Variants in ACOT11 observed in about 807,000 individuals in gnomAD.
ACOT11 encodes acyl-CoA thioesterase 11, also known as acyl-coenzyme A thioesterase 11.
A neutral mutation model predicts 77.5 loss-of-function variants in ACOT11; 69 were observed. The ratio of observed to expected loss-of-function variants is 0.89; its 90% CI spans 0.73 to 1.09. The LOEUF (loss-of-function observed/expected upper bound fraction) is 1.09. Among genes scored for constraint, ACOT11 ranks in the 50% least tolerant of loss-of-function variants. The pLI is 0.00. For synonymous variants in ACOT11, 279 were observed against 313.0 expected (o/e 0.89, Z 1.15); for missense variants, 766 against 813.7 (o/e 0.94, Z 0.71).
downstream of ACOT11, chr1:54,610,351 CCAAG>C (rs1464230933): frequency 6.3e-7 from 1 of 1,583,634 alleles, no homozygotes; most frequent in East Asian, 2.2e-5. Context: ...GGTACCTGCC[CCAAG>C]CAAAGGACAC....
chr1:54,630,612 T>C (rs1382915939), intron 15 of ACOT11: 1 of 522,382 alleles, frequency 1.9e-6, no homozygotes. Flanking sequence ...TAATGACTGG[T>C]TTGCTGTTAA....
chr1:54,601,838 C>T (rs1184951248), intron 9 of ACOT11, among the ~76,000 whole-genome samples: 2 of 152,246 alleles, frequency 1.3e-5, no homozygotes, highest in Non-Finnish European at 2.9e-5. Context: ...GCAGTACTGA[C>T]TCCATGCCTG....
Position 54,628,918 on chromosome 1 carries a change from G to A in ACOT11, c.1630-1816G>A, listed in dbSNP as rs571247811. 2.3e-5 allele frequency among the ~76,000 whole-genome samples: 3 copies of A among 131,524 alleles called. 1 individual carries two copies. In the East Asian group the frequency reaches 7.2e-4, roughly 32 times the overall value. 86.3% of individuals were successfully genotyped at this position (131,524 alleles called of 152,430 possible). ...CTACTAAAAATACAAAATTAGCGGG[G>A]TGTGGTGGCTCATGCCTGTGATCGC... On this transcript the variant is annotated intron_variant, in intron 15 of 16. Coordinates refer to the ACOT11 transcript ENST00000371316.
intron 1 of ACOT11, among the ~76,000 whole-genome samples, chr1:54,564,799 C>T (rs1038365833): frequency 6.6e-6 from 1 of 151,670 alleles, no homozygotes; most frequent in Non-Finnish European, 1.5e-5. Flanking sequence ...ATAGGGATGT[C>T]GGGGTTGGGG....
rs189412838 is a variant in ACOT11, at chr1:54,589,685, C to T, written c.312-2861C>T. On this transcript the variant is annotated intron_variant, in intron 3 of 15. Transcript: ENST00000343744. ...GTTTTTTTGTAGAGATGAGGTCTCG[C>T]TATGTTGACCAGGCTGGTCTCAAAT... Among the ~76,000 whole-genome samples the T allele has an allele frequency of 2.1e-4, 32 of 152,138 alleles. No individual in the cohort carries two copies. The East Asian group carries it at 4.6e-3, about 22-fold the overall frequency.
intron 15 of ACOT11, among the ~76,000 whole-genome samples, chr1:54,624,152 C>A (rs964087806): frequency 2.6e-5 from 4 of 152,130 alleles, no homozygotes; most frequent in African/African-American, 7.2e-5. Flanking sequence ...GAGGCTGCCC[C>A]TATTCTGAGG....
At chr1:54,576,268 C>T (rs141996804) in intron 1 of ACOT11, among the ~76,000 whole-genome samples, 4 of 152,192 alleles carry the variant, frequency 2.6e-5, no homozygotes, top group African/African-American at 4.8e-5. Flanking sequence ...CAGTGGCTCA[C>T]GCCTATAATC....
chr1:54,572,171 C>G (rs1279550222), intron 1 of ACOT11, among the ~76,000 whole-genome samples: 3 of 149,294 alleles, frequency 2.0e-5, no homozygotes, highest in African/African-American at 7.3e-5. Flanking sequence ...CTGCATTGTT[C>G]CTTCCCTCCT....
intron 1 of ACOT11, among the ~76,000 whole-genome samples, chr1:54,580,764 G>A (rs1457172416): frequency 6.6e-6 from 1 of 152,228 alleles, no homozygotes; most frequent in Non-Finnish European, 1.5e-5. Flanking sequence ...ACCCAGCTTG[G>A]TCAGTGCCAT....
At chr1:54,599,460 G>A (rs770726967) in intron 8 of ACOT11, 45 bp downstream of exon 8, 1 of 1,516,420 alleles carries the variant, frequency 6.6e-7, no homozygotes, top group Non-Finnish European at 8.9e-7. Context: ...CAGGGCTGAG[G>A]GCTCTTCCTG....
intron 1 of ACOT11, among the ~76,000 whole-genome samples, chr1:54,553,081 C>T (rs1373474282): frequency 6.6e-6 from 1 of 151,846 alleles, no homozygotes; most frequent in Non-Finnish European, 1.5e-5. Context: ...CCCGCCTAGG[C>T]CTCCCAAAGT....
chr1:54,605,018 C>A, intron 12 of ACOT11, 58 bp from the exon 13 acceptor site: 1 of 1,540,454 alleles, frequency 6.5e-7, no homozygotes. Context: ...CAGCCTCCAG[C>A]ATCCCCATCA....
At chr1:54,572,553 C>G (rs1653959789) in intron 1 of ACOT11, among the ~76,000 whole-genome samples, 1 of 152,036 alleles carries the variant, frequency 6.6e-6, no homozygotes, top group African/African-American at 2.4e-5. Flanking sequence ...TGGGTGCTGT[C>G]AAAGCAGCTC....
chr1:54,622,451 G>T (rs1007392072), intron 15 of ACOT11, among the ~76,000 whole-genome samples: 3 of 151,834 alleles, frequency 2.0e-5, no homozygotes, highest in African/African-American at 7.3e-5. Context: ...GGTGGCGCAC[G>T]CCTGTAGTCC....
chr1:54,579,479 C>T (rs1654228717), intron 1 of ACOT11, among the ~76,000 whole-genome samples: 1 of 152,212 alleles, frequency 6.6e-6, no homozygotes. Flanking sequence ...GGCAGGAATA[C>T]TCCTGCCTTG....
In ACOT11 at chr1:54,627,579, G is replaced by T. The variant is rs557609764; in HGVS notation, c.1630-3155G>T. Among the ~76,000 whole-genome samples the T allele has an allele frequency of 8.8e-4, 120 of 135,616 alleles. 12 individuals are homozygous for T. Among genetic ancestry groups the T allele is most frequent in the Middle Eastern group, 4.2e-3 (1 of 240 alleles). 89.0% of individuals were successfully genotyped at this position (135,616 alleles called of 152,430 possible). A position where few individuals can be genotyped will look rare whatever the true frequency, so the allele number is the denominator to read the frequency against. ...AGAAGAAAGCAGGGGCTGTCAGGGG[G>T]CTCCAGCATTTCAGATGTGAAACAG... On this transcript the variant is annotated intron_variant, in intron 15 of 16. Transcript: ENST00000371316.
chr1:54,620,845 C>CAAAAAAAAA (rs767625864), intron 15 of ACOT11, among the ~76,000 whole-genome samples: 162 of 12,126 alleles, frequency 0.013, 38 homozygotes, highest in Non-Finnish European at 0.019. Flanking sequence ...GAGACTCTGT[C>CAAAAAAAAA]AAAAAAAAAA....
At chr1:54,634,625 C>T (rs1644320529) in intron 16 of ACOT11, 2 of 695,410 alleles carry the variant, frequency 2.9e-6, no homozygotes, top group African/African-American at 1.8e-5. Flanking sequence ...GATCCAATAA[C>T]AAAAAGTTGG....
intron 3 of ACOT11, among the ~76,000 whole-genome samples, chr1:54,589,195 T>C (rs920837063): frequency 6.6e-6 from 1 of 152,060 alleles, no homozygotes; most frequent in African/African-American, 2.4e-5. Flanking sequence ...TTTTGTATTT[T>C]TATTAGAGAT....
Sources: gnomAD v4.1 joint callset for allele counts (sites outside exome capture counted in the v4.1 genomes callset) on GRCh38, gnomAD v4.1.1 for gene constraint, MANE v1.5 for transcripts, NCBI Gene and HGNC (gene_info 2026-07-23, HGNC 2026-07-21) for gene names.